PRR33: variants seen among roughly 807,000 people sequenced by gnomAD.
PRR33 encodes proline-rich protein 33.
PRR33 carries 1 observed loss-of-function variant against 0.5 expected under a neutral mutation model. The observed-to-expected ratio is 2.18, with a 90% CI of 0.77 to 10.34. The LOEUF is 10.34. Ranked by LOEUF, PRR33 falls within the 30% of genes most tolerant of loss-of-function variation. The pLI is 0.13. For synonymous variants in PRR33, 226 were observed against 110.0 expected (o/e 2.06, Z -6.60); for missense variants, 552 against 251.8 (o/e 2.19, Z -8.07).
At chr11:1,900,689 G>T in the PRR33 span, among the ~76,000 whole-genome samples, 1 of 152,180 alleles carries the variant, frequency 6.6e-6, no homozygotes, top group African/African-American at 2.4e-5. Context: ...TAACTTAACT[G>T]TAATTAAGAG....
chr11:1,890,920 G>A (rs1589837300), exon 1 of PRR33: 3 of 280,146 alleles, frequency 1.1e-5, no homozygotes, highest in East Asian at 1.3e-4. Flanking sequence ...GGGTCAGGCC[G>A]CAACACCGTG....
At chr11:1,903,453 C>T in the PRR33 span, among the ~76,000 whole-genome samples, 1 of 152,112 alleles carries the variant, frequency 6.6e-6, no homozygotes, top group Non-Finnish European at 1.5e-5. Flanking sequence ...GCCTCATTTG[C>T]CTTTTGTGCA....
At chr11:1,895,837 C>A (rs1297970875), upstream of PRR33, among the ~76,000 whole-genome samples, 2 of 152,158 alleles carry the variant, frequency 1.3e-5, no homozygotes, top group East Asian at 3.9e-4. Context: ...ACCGAGTCGC[C>A]TTTGCACCTT....
the PRR33 span, among the ~76,000 whole-genome samples, chr11:1,916,118 T>C: frequency 2.6e-5 from 4 of 151,910 alleles, no homozygotes; most frequent in Admixed American, 2.6e-4. Flanking sequence ...GATGGGTGGA[T>C]GAATGGACAA....
At chr11:1,907,024 G>A in the PRR33 span, among the ~76,000 whole-genome samples, 5 of 152,234 alleles carry the variant, frequency 3.3e-5, no homozygotes, top group Admixed American at 6.5e-5. Context: ...CATGGGCAGC[G>A]AGAGGCCCCT....
At chr11:1,913,093 G>A in the PRR33 span, among the ~76,000 whole-genome samples, 6 of 151,046 alleles carry the variant, frequency 4.0e-5, no homozygotes, top group African/African-American at 1.5e-4. Context: ...TTTTTGTTCT[G>A]GGGTAATCCA....
exon 1 of PRR33, chr11:1,889,397 C>A: frequency 1.4e-6 from 1 of 695,518 alleles, no homozygotes; most frequent in Non-Finnish European, 2.7e-6. Flanking sequence ...TCCTGGAGGT[C>A]CGGGAGGCGG....
chr11:1,901,185 G>A, the PRR33 span, among the ~76,000 whole-genome samples: 1 of 152,196 alleles, frequency 6.6e-6, no homozygotes, highest in South Asian at 2.1e-4. Context: ...TGTGGCAGAT[G>A]CCTGTAATCC....
the PRR33 span, among the ~76,000 whole-genome samples, chr11:1,913,215 C>T: frequency 6.6e-6 from 1 of 152,066 alleles, no homozygotes; most frequent in Non-Finnish European, 1.5e-5. Flanking sequence ...ACAAACCTGC[C>T]TCCCAGCTTC....
chr11:1,898,087 C>A, the PRR33 span, among the ~76,000 whole-genome samples: 1 of 152,160 alleles, frequency 6.6e-6, no homozygotes, highest in Non-Finnish European at 1.5e-5. Context: ...CAAGAAGCAT[C>A]GGCAACGGCA....
upstream of PRR33, among the ~76,000 whole-genome samples, chr11:1,893,839 G>A (rs1849085771): frequency 3.3e-5 from 5 of 151,292 alleles, no homozygotes; most frequent in Middle Eastern, 6.9e-3. Context: ...ATGGGTAGAT[G>A]AAAGGATGGA....
chr11:1,905,775 G>A, the PRR33 span, among the ~76,000 whole-genome samples: 1 of 151,870 alleles, frequency 6.6e-6, no homozygotes, highest in Non-Finnish European at 1.5e-5. Flanking sequence ...ATTTCTTACA[G>A]GCAGCACAGA....
the PRR33 span, among the ~76,000 whole-genome samples, chr11:1,908,982 C>T: frequency 1.3e-5 from 2 of 152,238 alleles, no homozygotes; most frequent in Non-Finnish European, 2.9e-5. Context: ...TGACTTTTAG[C>T]AAATGCCCTT....
chr11:1,892,085 G>A (rs1849024046), upstream of PRR33: 1 of 152,256 alleles, frequency 6.6e-6, no homozygotes, highest in South Asian at 2.1e-4. Context: ...TGCCTTCTAG[G>A]AAGTTAGGAG....
At chr11:1,908,322 C>A in the PRR33 span, among the ~76,000 whole-genome samples, 4 of 149,662 alleles carry the variant, frequency 2.7e-5, no homozygotes, top group Admixed American at 1.3e-4. Context: ...CCCCGCCCAC[C>A]CCCACCCCCA....
the PRR33 span, among the ~76,000 whole-genome samples, chr11:1,902,949 T>C: frequency 6.6e-6 from 1 of 152,134 alleles, no homozygotes. Context: ...TAAACTGTCA[T>C]GGTGCTGGTG....
chr11:1,893,379 G>A (rs1266139163), upstream of PRR33, among the ~76,000 whole-genome samples: 1 of 150,822 alleles, frequency 6.6e-6, no homozygotes, highest in Non-Finnish European at 1.5e-5. Context: ...ACTAATGGAT[G>A]GATGAGTGGG....
the PRR33 span, among the ~76,000 whole-genome samples, chr11:1,912,166 T>A: frequency 6.6e-6 from 1 of 151,856 alleles, no homozygotes; most frequent in African/African-American, 2.4e-5. Context: ...GAGCAAGACC[T>A]CATCTCTTTA....
upstream of PRR33, among the ~76,000 whole-genome samples, chr11:1,896,486 A>C (rs537547601): frequency 2.0e-4 from 30 of 152,364 alleles, no homozygotes; most frequent in African/African-American, 7.0e-4. Flanking sequence ...TTTGTATATC[A>C]GTCTTGTTAT....
Sources: gnomAD v4.1 joint callset for allele counts (sites outside exome capture counted in the v4.1 genomes callset) on GRCh38, gnomAD v4.1.1 for gene constraint, MANE v1.5 for transcripts, NCBI Gene and HGNC (gene_info 2026-07-23, HGNC 2026-07-21) for gene names.